MYH9: variants seen among roughly 807,000 people sequenced by gnomAD.
The protein encoded by MYH9 is myosin-9.
Under a neutral mutation model 241.9 loss-of-function variants are expected in MYH9, and 29 were observed. The observed-to-expected ratio is 0.12, with a 90% CI of 0.09 to 0.16. MYH9 has a LOEUF of 0.16. MYH9 is among the 10% of genes least tolerant of loss of function. MYH9 has a pLI of 1.00. For missense variants in MYH9, 1,803 were observed against 2,595.5 expected, an observed-to-expected ratio of 0.69 and a Z score of 6.63; for synonymous variants, 1,047 against 1,062.6, an observed-to-expected ratio of 0.99 and a Z score of 0.29.
rs557312136 is a variant in MYH9, at chr22:36,330,251, T to C, written c.491-2763A>G. Among the ~76,000 whole-genome samples, 11 of 152,244 alleles carry C rather than the reference T, an allele frequency of 7.2e-5. No individual in the cohort carries two copies. The highest frequency in any genetic ancestry group is 1.5e-4 in the Non-Finnish European group (10 of 68,048). The stretch of plus-strand genomic sequence containing the variant: ...GGATTTGTTCTGCCAGGAACATTCA[T>C]CTGGACAAATGCTTTCTGAAAGGCA... On this transcript the variant is annotated intron_variant, in intron 3 of 40. Coordinates refer to ENST00000216181, the MANE Select transcript of MYH9 (RefSeq NM_002473.6). This position sits in a 1 kb window ranked among gnomAD's most constrained non-coding sequence, Gnocchi z 4.5.
At chr22:36,364,631 AC>A (rs1274937848) in intron 1 of MYH9, 1 of 152,202 alleles carries the variant, frequency 6.6e-6, no homozygotes, top group Non-Finnish European at 1.5e-5. Flanking sequence ...TATCTGCCGT[AC>A]ACTAATTTTT....
chr22:36,346,598 A>C (rs1294447579), intron 2 of MYH9, among the ~76,000 whole-genome samples: 1 of 152,004 alleles, frequency 6.6e-6, no homozygotes, highest in African/African-American at 2.4e-5. Flanking sequence ...AGGCCATAAT[A>C]ATCTTTTTTC....
At chr22:36,364,416 A>T (rs534332916) in intron 1 of MYH9, among the ~76,000 whole-genome samples, 1 of 152,140 alleles carries the variant, frequency 6.6e-6, no homozygotes, top group East Asian at 1.9e-4. Flanking sequence ...CTCCAGTCAA[A>T]TCTGCGTCAC....
intron 14 of MYH9, among the ~76,000 whole-genome samples, chr22:36,310,270 A>AG (rs1347371139): frequency 6.7e-5 from 2 of 29,924 alleles, no homozygotes; most frequent in African/African-American, 1.0e-4. Flanking sequence ...ACTCCGTCTC[A>AG]AAAAAAAAAA....
At chr22:36,370,500 G>A (rs779504966) in intron 1 of MYH9, among the ~76,000 whole-genome samples, 1 of 152,246 alleles carries the variant, frequency 6.6e-6, no homozygotes, top group Non-Finnish European at 1.5e-5. Flanking sequence ...GCTAAGACAT[G>A]AAGCAGTCCG....
intron 1 of MYH9, among the ~76,000 whole-genome samples, chr22:36,361,069 C>G (rs1261706317): frequency 6.6e-6 from 1 of 152,178 alleles, no homozygotes; most frequent in Non-Finnish European, 1.5e-5. Flanking sequence ...ACAGCAGCCT[C>G]GACCTAGGCC....
intron 1 of MYH9, among the ~76,000 whole-genome samples, chr22:36,364,395 C>G (rs761845199): frequency 6.6e-6 from 1 of 152,128 alleles, no homozygotes; most frequent in Non-Finnish European, 1.5e-5. Flanking sequence ...GGTCCAGACT[C>G]CAGGGACCAA....
intron 1 of MYH9, among the ~76,000 whole-genome samples, chr22:36,384,661 A>G (rs1259281714): frequency 8.1e-6 from 1 of 123,364 alleles, no homozygotes; most frequent in African/African-American, 3.1e-5. Flanking sequence ...TACAGCCACT[A>G]CATATTAGGC....
intron 12 of MYH9, among the ~76,000 whole-genome samples, chr22:36,314,589 GTAGT>G (rs1390212347): frequency 6.6e-6 from 1 of 152,112 alleles, no homozygotes. Context: ...TACAAAGAAA[GTAGT>G]TATTTTGAAA....
chr22:36,336,880 G>A (rs944418190), intron 3 of MYH9, among the ~76,000 whole-genome samples: 13 of 152,266 alleles, frequency 8.5e-5, no homozygotes, highest in African/African-American at 1.9e-4. Flanking sequence ...CACCTGGACC[G>A]CCAGGGCATC....
Position 36,335,513 on chromosome 22 carries a change from C to T in MYH9, c.490+5857G>A, listed in dbSNP as rs570616436. Among the ~76,000 whole-genome samples, 25 of 152,334 alleles carry T rather than the reference C, an allele frequency of 1.6e-4. 1 individual carries two copies. The South Asian group carries it at 2.5e-3, about 15-fold the overall frequency. ...TCCTCAGCTGCCTGTCCCGGTGAGT[C>T]GATTCAAACAGAGCTTTTCTGCCCC... On this transcript the variant is annotated intron_variant, in intron 3 of 40. Transcript: ENST00000216181.
chr22:36,300,015 G>T lies in MYH9; in HGVS notation c.2976+112C>A. On this transcript the variant is annotated intron_variant, in intron 23 of 40. Transcript: ENST00000216181. This position sits in a 1 kb window ranked among gnomAD's most constrained non-coding sequence, Gnocchi z 5.0. ...TTAAGCAGAAGCCCTCATGCTGCAG[G>T]CAGAAGAGACAGGAAGCAGCAGCAG... is the stretch of plus-strand genomic sequence containing the variant. The T allele has an allele frequency of 6.9e-7, 1 of 1,458,734 alleles. No individual in the cohort carries two copies. The highest frequency in any genetic ancestry group is 9.5e-7 in the Non-Finnish European group (1 of 1,053,898). 90.4% of individuals were successfully genotyped at this position (1,458,734 alleles called of 1,614,324 possible).
intron 40 of MYH9, 55 bp downstream of exon 40, chr22:36,284,038 G>A: frequency 6.3e-7 from 1 of 1,586,886 alleles, no homozygotes; most frequent in Non-Finnish European, 8.6e-7. Flanking sequence ...TGAGGAACAA[G>A]CTACCTTTTG....
chr22:36,305,907 G>C lies in MYH9; in HGVS notation c.2159+23C>G, dbSNP rs765647424. 1 of 1,612,462 alleles carries C rather than the reference G, an allele frequency of 6.2e-7. No homozygotes were observed. Among genetic ancestry groups the C allele is most frequent in the Non-Finnish European group, 8.5e-7 (1 of 1,179,724 alleles). Reference sequence around the variant, plus strand: ...GCACGCACAGCAGGGCCCAGGAGAAGCGGGCTCCGGGCCCTGGCTCACCTC... The same window carrying C: ...GCACGCACAGCAGGGCCCAGGAGAACCGGGCTCCGGGCCCTGGCTCACCTC... On this transcript the variant is annotated intron_variant, in intron 17 of 40. Transcript: ENST00000216181. This position sits in a 1 kb window ranked among gnomAD's most constrained non-coding sequence, Gnocchi z 4.7.
At chr22:36,368,584 AC>A (rs1304774102) in intron 1 of MYH9, among the ~76,000 whole-genome samples, 2 of 152,200 alleles carry the variant, frequency 1.3e-5, no homozygotes, top group African/African-American at 2.4e-5. Context: ...GGGCCAAAGC[AC>A]CAGTATCTGT....
Position 36,316,586 on chromosome 22 carries a change from C to T in MYH9, c.1311G>A (p.Leu437=), listed in dbSNP as rs1490634243. ...RWLVLRINKA[L]DKTKRQGASF... The stretch of plus-strand genomic sequence containing the variant: ...AGGCGCCCTGCCTCTTGGTCTTGTC[C>T]AGAGCCTTGTTGATGCGCAGCACCA... The change falls in exon 12 of 41, where the codon CTG becomes CTA. Residue 437 remains leucine, a synonymous_variant. Transcript: ENST00000216181. 1 of 1,614,018 alleles carries T rather than the reference C, an allele frequency of 6.2e-7. No individual in the cohort carries two copies. Among genetic ancestry groups the T allele is most frequent in the Admixed American group, 1.7e-5 (1 of 60,012 alleles).
intron 13 of MYH9, 65 bp downstream of exon 13, chr22:36,314,080 G>A (rs2017111483): frequency 1.3e-6 from 2 of 1,549,466 alleles, no homozygotes; most frequent in South Asian, 2.2e-5. Flanking sequence ...CTGAGGTGAG[G>A]AGCGGGTGCC....
At position 36,338,444 on chromosome 22, in the gene MYH9, G is replaced by A. The variant is rs542550629; in HGVS notation, c.490+2926C>T. Among the ~76,000 whole-genome samples the A allele has an allele frequency of 1.7e-4, 26 of 152,248 alleles. 1 individual carries two copies. Among genetic ancestry groups the A allele is most frequent in the Middle Eastern group, 6.8e-3 (2 of 292 alleles). On this transcript the variant is annotated intron_variant, in intron 3 of 40. Coordinates refer to ENST00000216181, the MANE Select transcript of MYH9 (RefSeq NM_002473.6). ...AAACACATGGACCCAATTCCTGCAC[G>A]GACTGCTTTAAAGGAGGCATCAACA...
chr22:36,380,089 T>C (rs115855390), intron 1 of MYH9, among the ~76,000 whole-genome samples: 242 of 152,330 alleles, frequency 1.6e-3, no homozygotes, highest in African/African-American at 5.5e-3. Flanking sequence ...GCCAGTCTCA[T>C]AGTGTGTGCT....
Sources: gnomAD v4.1 joint callset for allele counts (sites outside exome capture counted in the v4.1 genomes callset) on GRCh38, gnomAD v4.1.1 for gene constraint, Gnocchi (gnomAD v3.1) non-coding constraint, MANE v1.5 for transcripts, NCBI Gene and HGNC (gene_info 2026-07-23, HGNC 2026-07-21) for gene names.